PHF14: variants seen among roughly 807,000 people sequenced by gnomAD.
PHF14 encodes the protein PHD finger protein 14.
In PHF14, 55 loss-of-function variants were observed where a neutral mutation model predicts 117.9. The ratio of observed to expected loss-of-function variants is 0.47; its 90% confidence interval spans 0.38 to 0.58. The LOEUF (loss-of-function observed/expected upper bound fraction) is 0.58, where lower values mean the gene tolerates loss of function less well. Among genes scored for constraint, PHF14 ranks in the 20% least tolerant of loss-of-function variants. The pLI, the probability that PHF14 is intolerant of heterozygous loss-of-function variation, is 0.00. For missense variants in PHF14, 978 were observed against 1,122.2 expected, an observed-to-expected ratio of 0.87 and a Z score of 1.84; for synonymous variants, 409 against 368.6, an observed-to-expected ratio of 1.11 and a Z score of -1.26.
intron 16 of PHF14, among the ~76,000 whole-genome samples, chr7:11,080,265 T>G (rs1023919549): frequency 1.3e-5 from 2 of 152,062 alleles, no homozygotes; most frequent in Non-Finnish European, 2.9e-5. Flanking sequence ...TAAAAAACAA[T>G]AAAATTTAAA....
intron 16 of PHF14, among the ~76,000 whole-genome samples, chr7:11,063,895 A>C (rs985682554): frequency 6.6e-6 from 1 of 151,816 alleles, no homozygotes; most frequent in South Asian, 2.1e-4. Flanking sequence ...CAATATGCCA[A>C]TGTCTGGAAT....
chr7:11,103,774 C>G, intron 16 of PHF14: 4 of 984,970 alleles, frequency 4.1e-6, no homozygotes, highest in Non-Finnish European at 4.8e-6. Flanking sequence ...TCTCTAGTTA[C>G]AGTGAGGAAC....
At chr7:11,159,309 G>A (rs981255567) in intron 17 of PHF14, among the ~76,000 whole-genome samples, 4 of 151,968 alleles carry the variant, frequency 2.6e-5, no homozygotes, top group Non-Finnish European at 5.9e-5. Flanking sequence ...GTTCTGGGGT[G>A]CAGAATGTGC....
At chr7:11,114,392 A>G (rs899793459) in intron 17 of PHF14, among the ~76,000 whole-genome samples, 3 of 152,042 alleles carry the variant, frequency 2.0e-5, no homozygotes, top group Non-Finnish European at 4.4e-5. Context: ...CAAGTTTTTG[A>G]TATGGGGTTG....
At chr7:11,142,660 A>G (rs918339146) in intron 17 of PHF14, among the ~76,000 whole-genome samples, 1 of 152,138 alleles carries the variant, frequency 6.6e-6, no homozygotes, top group African/African-American at 2.4e-5. Context: ...TTTAGTATAA[A>G]GAAGATCCTG....
intron 15 of PHF14, 49 bp from the exon 16 acceptor site, chr7:11,061,915 A>T: frequency 6.5e-7 from 1 of 1,535,374 alleles, no homozygotes; most frequent in East Asian, 2.4e-5. Context: ...TTTCCCTCAT[A>T]TCCTTATTTT....
At chr7:11,073,124 C>G (rs540990893) in intron 16 of PHF14, among the ~76,000 whole-genome samples, 2 of 152,184 alleles carry the variant, frequency 1.3e-5, no homozygotes, top group South Asian at 2.1e-4. Context: ...CTCCACATTG[C>G]AAAATACAAT....
chr7:11,116,634 A>G (rs1787610082), intron 17 of PHF14, among the ~76,000 whole-genome samples: 1 of 151,830 alleles, frequency 6.6e-6, no homozygotes, highest in African/African-American at 2.4e-5. Context: ...CCACATGGAT[A>G]CCTACTTTGC....
intron 16 of PHF14, among the ~76,000 whole-genome samples, chr7:11,098,006 T>G (rs1157754667): frequency 6.6e-6 from 1 of 152,158 alleles, no homozygotes; most frequent in Non-Finnish European, 1.5e-5. Context: ...TCTATCATAT[T>G]CCTTTAAAAA....
chr7:11,068,187 A>G (rs1326222512), intron 16 of PHF14, among the ~76,000 whole-genome samples: 3 of 151,556 alleles, frequency 2.0e-5, no homozygotes, highest in South Asian at 4.2e-4. Flanking sequence ...CGTCTCTACT[A>G]AAAAATACAA....
At chr7:11,117,396 G>A (rs1787626599) in intron 17 of PHF14, among the ~76,000 whole-genome samples, 1 of 151,782 alleles carries the variant, frequency 6.6e-6, no homozygotes, top group South Asian at 2.1e-4. Flanking sequence ...TTTCATCCAA[G>A]TCCTTATAGG....
intron 13 of PHF14, 126 bp from the exon 14 acceptor site, chr7:11,051,486 A>T: frequency 1.4e-6 from 1 of 710,418 alleles, no homozygotes; most frequent in Non-Finnish European, 2.2e-6. Context: ...GTACCCTATA[A>T]TCACATTACC....
At chr7:11,014,186 A>G (rs1783445889) in intron 5 of PHF14, among the ~76,000 whole-genome samples, 2 of 152,200 alleles carry the variant, frequency 1.3e-5, no homozygotes, top group South Asian at 4.1e-4. Context: ...ATAGGTGTAT[A>G]GTACCCAGGG....
intron 16 of PHF14, chr7:11,106,973 T>C (rs1787289524): frequency 2.0e-6 from 2 of 983,618 alleles, no homozygotes; most frequent in African/African-American, 1.7e-5. Context: ...AAAATGTACA[T>C]CCTTGTTCAA....
intron 6 of PHF14, among the ~76,000 whole-genome samples, chr7:11,025,651 C>T (rs1629587): frequency 0.41 from 61,569 of 151,666 alleles, 13,948 homozygotes; most frequent in Non-Finnish European, 0.51. Context: ...AAAAATTAGC[C>T]GGGCATGGTA....
At chr7:11,139,697 C>T (rs1788345586) in intron 17 of PHF14, among the ~76,000 whole-genome samples, 1 of 151,984 alleles carries the variant, frequency 6.6e-6, no homozygotes, top group Admixed American at 6.6e-5. Flanking sequence ...CAGTCATTTA[C>T]CTTGGTTTCT....
chr7:11,161,716 T>G (rs1436234812), intron 17 of PHF14, among the ~76,000 whole-genome samples: 1 of 148,022 alleles, frequency 6.8e-6, no homozygotes, highest in African/African-American at 2.4e-5. Flanking sequence ...TATATTTTAT[T>G]TAAATAAAAA....
chr7:11,129,383 C>T (rs926206622), intron 17 of PHF14, among the ~76,000 whole-genome samples: 2 of 151,996 alleles, frequency 1.3e-5, no homozygotes, highest in Non-Finnish European at 2.9e-5. Context: ...GTTCACTCAG[C>T]ATTTCTGTTA....
In PHF14 at chr7:11,088,422, A is replaced by T. The variant is rs200394435; in HGVS notation, c.2655-22928A>T. ...CACACAAACACACACACACACGCAC[A>T]CACACACACAGTCCTATTTCCCAAC... On this transcript the variant is annotated intron_variant, in intron 16 of 17. Transcript: ENST00000634607. Among the ~76,000 whole-genome samples, 25 of 116,004 alleles carry T rather than the reference A, an allele frequency of 2.2e-4. No individual in the cohort carries two copies. In the East Asian group the frequency reaches 9.8e-3, roughly 45 times the overall value. 76.1% of individuals were successfully genotyped at this position (116,004 alleles called of 152,430 possible).
Sources: gnomAD v4.1 joint callset for allele counts (sites outside exome capture counted in the v4.1 genomes callset) on GRCh38, gnomAD v4.1.1 for gene constraint, MANE v1.5 for transcripts, NCBI Gene and HGNC (gene_info 2026-07-23, HGNC 2026-07-21) for gene names.